MARCHF7: variants seen among roughly 807,000 people sequenced by gnomAD.
The protein encoded by MARCHF7 is membrane associated ring-CH-type finger 7.
MARCHF7 carries 20 observed loss-of-function variants against 76.5 expected under a neutral mutation model. That is an observed-to-expected ratio of 0.26 (90% CI 0.18 to 0.38). The LOEUF is 0.38. Among genes scored for constraint, MARCHF7 ranks in the 10% least tolerant of loss-of-function variants. The pLI is 1.00. For synonymous variants in MARCHF7, 295 were observed against 293.0 expected (o/e 1.01, Z -0.07); for missense variants, 797 against 812.9 (o/e 0.98, Z 0.24).
intron 5 of MARCHF7, among the ~76,000 whole-genome samples, chr2:159,743,794 G>C (rs1345990557): frequency 6.6e-6 from 1 of 151,158 alleles, no homozygotes; most frequent in Non-Finnish European, 1.5e-5. Flanking sequence ...GTAGTCCCCA[G>C]CCACTTGAGG....
chr2:159,729,180 C>T lies in MARCHF7; in HGVS notation c.153+5C>T. The T allele has an allele frequency of 1.3e-6, 2 of 1,584,888 alleles. No individual in the cohort carries two copies. The highest frequency in any genetic ancestry group is 1.7e-6 in the Non-Finnish European group (2 of 1,168,282). On this transcript the variant is annotated splice_donor_5th_base_variant and intron_variant, in intron 4 of 11. Coordinates refer to ENST00000409175, the MANE Select transcript of MARCHF7 (RefSeq NM_001282805.2). ...AGATTGGATTCTGAATATCAGGTAA[C>T]ATTTTTATTTGGAATATATGTATAC...
At chr2:159,762,823 C>T in intron 9 of MARCHF7, 57 bp from the exon 10 acceptor site, 1 of 1,013,478 alleles carries the variant, frequency 9.9e-7, no homozygotes, top group Non-Finnish European at 1.5e-6. Flanking sequence ...AATCTCAATT[C>T]TACTAATTTT....
chr2:159,751,796 T>C (rs1168531925), intron 7 of MARCHF7, among the ~76,000 whole-genome samples: 1 of 152,210 alleles, frequency 6.6e-6, no homozygotes, highest in Non-Finnish European at 1.5e-5. Flanking sequence ...ATGGAATCTT[T>C]TATAAGATTG....
At chr2:159,713,879 G>C (rs190349485) in intron 1 of MARCHF7, among the ~76,000 whole-genome samples, 2 of 152,348 alleles carry the variant, frequency 1.3e-5, no homozygotes, top group East Asian at 3.9e-4. Context: ...TGCTGAGGTG[G>C]TGTGTGAAGC....
chr2:159,767,205 C>A, intron 11 of MARCHF7, 79 bp from the exon 12 acceptor site: 1 of 979,618 alleles, frequency 1.0e-6, no homozygotes, highest in Non-Finnish European at 1.6e-6. Context: ...CAAGTCATTG[C>A]TGTTCTGGCT....
chr2:159,752,321 G>A, intron 7 of MARCHF7, 81 bp from the exon 8 acceptor site: 2 of 1,309,840 alleles, frequency 1.5e-6, no homozygotes, highest in East Asian at 2.7e-5. Flanking sequence ...TAACAAAAAA[G>A]AAAGCTTGTG....
At chr2:159,761,190 TTTTTTGAA>T (rs1707016017) in intron 9 of MARCHF7, among the ~76,000 whole-genome samples, 1 of 151,654 alleles carries the variant, frequency 6.6e-6, no homozygotes, top group Non-Finnish European at 1.5e-5. Flanking sequence ...ACCAGGCTAA[TTTTTTGAA>T]TTTTTAGTAG....
At chr2:159,766,756 G>A (rs1272409588) in intron 11 of MARCHF7, among the ~76,000 whole-genome samples, 1 of 152,126 alleles carries the variant, frequency 6.6e-6, no homozygotes, top group South Asian at 2.1e-4. Context: ...TCTATATGAA[G>A]CTTTTTTGAC....
At chr2:159,723,900 C>G (rs2042783) in intron 3 of MARCHF7, among the ~76,000 whole-genome samples, 140,818 of 152,226 alleles carry the variant, frequency 0.93, 65,311 homozygotes, top group African/African-American at 0.96. Context: ...TCTTTTCTTA[C>G]AACTTCTGCT....
chr2:159,731,749 C>A (rs969380625), intron 4 of MARCHF7, among the ~76,000 whole-genome samples: 1 of 149,692 alleles, frequency 6.7e-6, no homozygotes, highest in East Asian at 2.0e-4. Flanking sequence ...AGTGAAACTC[C>A]GTCTCAAAAA....
At chr2:159,751,545 A>G (rs1345199553) in intron 7 of MARCHF7, among the ~76,000 whole-genome samples, 1 of 152,204 alleles carries the variant, frequency 6.6e-6, no homozygotes, top group African/African-American at 2.4e-5. Context: ...TAGCGGCTGT[A>G]TATCCATCTC....
At chr2:159,762,744 C>T (rs1363910875) in intron 9 of MARCHF7, 136 bp from the exon 10 acceptor site, 2 of 402,914 alleles carry the variant, frequency 5.0e-6, no homozygotes, top group East Asian at 7.4e-5. Flanking sequence ...CAATAAATGG[C>T]ATTGTGTCCC....
intron 3 of MARCHF7, among the ~76,000 whole-genome samples, chr2:159,719,038 G>T (rs1357047538): frequency 1.3e-5 from 2 of 151,984 alleles, no homozygotes; most frequent in Non-Finnish European, 2.9e-5. Flanking sequence ...GCAGTGGCGC[G>T]ATCTCCGCTC....
chr2:159,725,272 T>C (rs1435780933), intron 3 of MARCHF7, among the ~76,000 whole-genome samples: 1 of 152,240 alleles, frequency 6.6e-6, no homozygotes, highest in Non-Finnish European at 1.5e-5. Context: ...TCTTCCAGGA[T>C]GGTTAAACTA....
At chr2:159,717,513 A>G (rs1701171147) in intron 3 of MARCHF7, among the ~76,000 whole-genome samples, 1 of 132,032 alleles carries the variant, frequency 7.6e-6, no homozygotes, top group Non-Finnish European at 1.7e-5. Context: ...ATTTTTCATG[A>G]TAAAAACTTT....
intron 4 of MARCHF7, among the ~76,000 whole-genome samples, chr2:159,738,812 T>G (rs912840069): frequency 2.6e-5 from 4 of 152,166 alleles, no homozygotes; most frequent in Non-Finnish European, 5.9e-5. Flanking sequence ...CATCCCAGGC[T>G]TAAAGGTAGG....
chr2:159,731,338 T>G (rs924036519), intron 4 of MARCHF7, among the ~76,000 whole-genome samples: 1 of 152,024 alleles, frequency 6.6e-6, no homozygotes, highest in Non-Finnish European at 1.5e-5. Context: ...TTATAATAAT[T>G]ATTATAATAG....
chr2:159,717,679 A>G (rs1574170720), intron 3 of MARCHF7, among the ~76,000 whole-genome samples: 1 of 152,236 alleles, frequency 6.6e-6, no homozygotes, highest in Admixed American at 6.5e-5. Context: ...CTTCTGTAAT[A>G]CAAGTTATTT....
At chr2:159,741,628 C>T (rs1704137484) in intron 4 of MARCHF7, among the ~76,000 whole-genome samples, 1 of 152,072 alleles carries the variant, frequency 6.6e-6, no homozygotes, top group African/African-American at 2.4e-5. Flanking sequence ...TCATGTTTAT[C>T]ATGTGAATTT....
Sources: allele counts gnomAD v4.1 joint callset (sites outside exome capture counted in the v4.1 genomes callset), GRCh38; gene constraint gnomAD v4.1.1; transcripts MANE v1.5; gene names NCBI Gene and HGNC (gene_info 2026-07-23, HGNC 2026-07-21).